CHD1L: variants seen among roughly 807,000 people sequenced by gnomAD.
The protein encoded by CHD1L is chromodomain helicase DNA binding protein 1 like.
In CHD1L, 118 loss-of-function variants were observed where a neutral mutation model predicts 115.9. That is an observed-to-expected ratio of 1.02 (90% CI 0.88 to 1.19). CHD1L has a LOEUF of 1.19. CHD1L is among the 50% of genes most tolerant of loss of function. The pLI, the probability that CHD1L is intolerant of heterozygous loss-of-function variation, is 0.00. For missense variants in CHD1L, 1,179 were observed against 1,065.3 expected, an observed-to-expected ratio of 1.11 and a Z score of -1.49; for synonymous variants, 411 against 387.1, an observed-to-expected ratio of 1.06 and a Z score of -0.72.
the CHD1L span, chr1:147,178,755 G>A: frequency 5.6e-6 from 9 of 1,597,736 alleles, no homozygotes; most frequent in African/African-American, 1.3e-5. Flanking sequence ...TCACTAACAA[G>A]TTGGAGGACA....
At chr1:147,277,264 TGGACTA>T (rs1358827350) in intron 14 of CHD1L, among the ~76,000 whole-genome samples, 2 of 152,164 alleles carry the variant, frequency 1.3e-5, no homozygotes, top group African/African-American at 4.8e-5. Flanking sequence ...GTTTGCAAGA[TGGACTA>T]GGATTGGAAA....
intron 7 of CHD1L, among the ~76,000 whole-genome samples, chr1:147,265,077 C>T (rs1286695119): frequency 3.3e-5 from 5 of 152,152 alleles, no homozygotes; most frequent in African/African-American, 1.2e-4. Flanking sequence ...TGTACCTTTG[C>T]CCCTCTGTGT....
At chr1:147,183,808 T>A in the CHD1L span, among the ~76,000 whole-genome samples, 1 of 152,212 alleles carries the variant, frequency 6.6e-6, no homozygotes, top group Non-Finnish European at 1.5e-5. Flanking sequence ...ATCTGGAGGT[T>A]GTTTAAATGC....
intron 12 of CHD1L, 39 bp downstream of exon 12, chr1:147,272,320 G>T: frequency 7.4e-7 from 1 of 1,349,164 alleles, no homozygotes; most frequent in Non-Finnish European, 1.1e-6. Context: ...GACAAATGAG[G>T]GATAATAGAG....
intron 16 of CHD1L, among the ~76,000 whole-genome samples, chr1:147,285,005 G>GT (rs759231464): frequency 1.3e-5 from 2 of 152,192 alleles, no homozygotes; most frequent in African/African-American, 4.8e-5. Flanking sequence ...ATCCTGCAGG[G>GT]TATGCTTTTA....
intron 15 of CHD1L, among the ~76,000 whole-genome samples, chr1:147,282,494 G>C (rs1423598961): frequency 6.6e-6 from 1 of 152,098 alleles, no homozygotes; most frequent in African/African-American, 2.4e-5. Context: ...CCTGTGTTTT[G>C]TTTCCATGTC....
intron 18 of CHD1L, among the ~76,000 whole-genome samples, 171 bp downstream of exon 18, chr1:147,286,671 T>G (rs1683258730): frequency 6.6e-6 from 1 of 152,164 alleles, no homozygotes; most frequent in Non-Finnish European, 1.5e-5. Flanking sequence ...ACTCTTGGCT[T>G]TCTCATTTAC....
chr1:147,245,423 C>T (rs1330089099), intron 1 of CHD1L, among the ~76,000 whole-genome samples: 1 of 152,168 alleles, frequency 6.6e-6, no homozygotes, highest in Admixed American at 6.5e-5. Flanking sequence ...GTACCGTGGC[C>T]TCCTGGTTGG....
the CHD1L span, chr1:147,184,461 T>C: frequency 0.03 from 42,080 of 1,403,462 alleles, 888 homozygotes; most frequent in South Asian, 0.085. This position sits in a 1 kb window ranked among gnomAD's most constrained non-coding sequence, Gnocchi z 4.4. Context: ...GTTGCAGGAG[T>C]CCATCCAGGA....
chr1:147,288,394 TATCAAAG>T (rs1412395415), intron 19 of CHD1L, among the ~76,000 whole-genome samples: 2 of 129,760 alleles, frequency 1.5e-5, no homozygotes, highest in African/African-American at 5.9e-5. Context: ...GTCATGAAAA[TATCAAAG>T]ATCTATGGGA....
At chr1:147,289,907 G>T (rs1684837155) in intron 19 of CHD1L, among the ~76,000 whole-genome samples, 1 of 152,128 alleles carries the variant, frequency 6.6e-6, no homozygotes, top group South Asian at 2.1e-4. Context: ...ATTTGTCCAG[G>T]GAGATGCCAT....
chr1:147,260,422 TTTA>T (rs1553943392), intron 6 of CHD1L: 2 of 152,344 alleles, frequency 1.3e-5, no homozygotes, highest in South Asian at 2.1e-4. Context: ...AAATGAACAT[TTTA>T]TAGAAGACAG....
intron 1 of CHD1L, among the ~76,000 whole-genome samples, chr1:147,247,365 T>A (rs1197335108): frequency 2.0e-5 from 3 of 152,152 alleles, no homozygotes; most frequent in African/African-American, 7.2e-5. Context: ...ATTAATGCTC[T>A]CCCTGAGCAG....
At chr1:147,225,179 A>G in the CHD1L span, 1 of 1,483,804 alleles carries the variant, frequency 6.7e-7, no homozygotes, top group South Asian at 1.4e-5. Context: ...TGAGGAGGAC[A>G]GATTCGACGG....
At chr1:147,242,522 AGAACTGCCT>A (rs1164988545), upstream of CHD1L, 4 of 566,764 alleles carry the variant, frequency 7.1e-6, no homozygotes, top group Non-Finnish European at 1.0e-5. Flanking sequence ...CCGCACTGCA[AGAACTGCCT>A]GTCCGGAAGG....
At chr1:147,242,980 A>C in intron 1 of CHD1L, 150 bp downstream of exon 1, 1 of 992,406 alleles carries the variant, frequency 1.0e-6, no homozygotes, top group Non-Finnish European at 1.3e-6. Flanking sequence ...GGCGGAGAGA[A>C]ACTGCGCCCG....
chr1:147,200,755 C>G, the CHD1L span, among the ~76,000 whole-genome samples: 1 of 151,884 alleles, frequency 6.6e-6, no homozygotes, highest in Non-Finnish European at 1.5e-5. Context: ...TTATTTTTAT[C>G]TATAATGAAA....
chr1:147,247,454 G>A (rs11239958), intron 1 of CHD1L, among the ~76,000 whole-genome samples: 32,778 of 151,882 alleles, frequency 0.22, 3,715 homozygotes, highest in Middle Eastern at 0.28. Flanking sequence ...CATCCCCCAC[G>A]CCTTTCTTCC....
chr1:147,193,139 T>G, the CHD1L span, among the ~76,000 whole-genome samples: 1 of 152,176 alleles, frequency 6.6e-6, no homozygotes, highest in Non-Finnish European at 1.5e-5. Context: ...CATCTGGTCC[T>G]GGACTCTTTT....
Sources: gnomAD v4.1 joint callset for allele counts (sites outside exome capture counted in the v4.1 genomes callset) on GRCh38, gnomAD v4.1.1 for gene constraint, Gnocchi (gnomAD v3.1) non-coding constraint, MANE v1.5 for transcripts, NCBI Gene and HGNC (gene_info 2026-07-23, HGNC 2026-07-21) for gene names.